The following ASAP1 variants were observed in gnomAD, a reference collection of about 807,000 sequenced individuals.
ASAP1 encodes arf-GAP with SH3 domain, ANK repeat and PH domain-containing protein 1.
In ASAP1, 43 loss-of-function variants were observed where a neutral mutation model predicts 145.2. The observed-to-expected ratio is 0.30, with a 90% CI of 0.23 to 0.38. ASAP1 has a LOEUF of 0.38. ASAP1 is among the 10% of genes least tolerant of loss of function. The pLI, the probability that ASAP1 is intolerant of heterozygous loss-of-function variation, is 1.00. For missense variants in ASAP1, 1,018 were observed against 1,355.3 expected (o/e 0.75, Z 3.91); for synonymous variants, 546 against 515.5 (o/e 1.06, Z -0.80).
intron 3 of ASAP1, among the ~76,000 whole-genome samples, chr8:130,270,471 A>G (rs1264613677): frequency 1.3e-5 from 2 of 152,224 alleles, no homozygotes; most frequent in Admixed American, 1.3e-4. Flanking sequence ...AACTTCCCTC[A>G]TTTAAAAGGT....
At chr8:130,139,113 G>A (rs1326138659) in intron 13 of ASAP1, among the ~76,000 whole-genome samples, 1 of 152,188 alleles carries the variant, frequency 6.6e-6, no homozygotes, top group East Asian at 1.9e-4. Flanking sequence ...TTTAAAGAAG[G>A]ATGCAGAAAA....
intron 1 of ASAP1, among the ~76,000 whole-genome samples, chr8:130,439,361 T>C (rs1830418181): frequency 6.6e-6 from 1 of 152,216 alleles, no homozygotes; most frequent in Non-Finnish European, 1.5e-5. Flanking sequence ...TAAACTTGTA[T>C]GATGTAAACC....
At chr8:130,203,351 C>G (rs138369687) in intron 5 of ASAP1, among the ~76,000 whole-genome samples, 391 of 152,338 alleles carry the variant, frequency 2.6e-3, no homozygotes, top group African/African-American at 9.1e-3. Context: ...AAAGCACCCA[C>G]CTGGCTTGTA....
At chr8:130,429,602 T>C (rs905979828) in intron 1 of ASAP1, among the ~76,000 whole-genome samples, 1 of 152,244 alleles carries the variant, frequency 6.6e-6, no homozygotes, top group African/African-American at 2.4e-5. Flanking sequence ...TTCTGGTGTA[T>C]GATTACCCTC....
chr8:130,079,752 A>C (rs1592752563), intron 26 of ASAP1, 150 bp downstream of exon 26: 4 of 739,722 alleles, frequency 5.4e-6, no homozygotes, highest in Non-Finnish European at 9.3e-6. Flanking sequence ...GCAAACCAAG[A>C]GTGAACGTCT....
At chr8:130,376,971 A>G (rs1288071924) in intron 2 of ASAP1, among the ~76,000 whole-genome samples, 1 of 151,138 alleles carries the variant, frequency 6.6e-6, no homozygotes, top group Non-Finnish European at 1.5e-5. Context: ...AAATGGGGCA[A>G]GAGATGTGAA....
intron 26 of ASAP1, among the ~76,000 whole-genome samples, chr8:130,078,135 G>A (rs572536096): frequency 9.8e-4 from 149 of 152,032 alleles, no homozygotes; most frequent in African/African-American, 3.4e-3. Flanking sequence ...GACTACAGGC[G>A]CACCCCACTA....
At chr8:130,242,559 G>C (rs1483167732) in intron 3 of ASAP1, among the ~76,000 whole-genome samples, 2 of 152,068 alleles carry the variant, frequency 1.3e-5, no homozygotes, top group Non-Finnish European at 2.9e-5. Context: ...GGATTGAAGA[G>C]CAATGTGTTT....
At chr8:130,062,101 C>T (rs2097420803) in intron 27 of ASAP1, among the ~76,000 whole-genome samples, 1 of 152,218 alleles carries the variant, frequency 6.6e-6, no homozygotes, top group African/African-American at 2.4e-5. Context: ...AGTAGTACTA[C>T]CATCACTGTT....
chr8:130,096,560 G>C (rs565231348), intron 24 of ASAP1, among the ~76,000 whole-genome samples: 38 of 152,242 alleles, frequency 2.5e-4, no homozygotes, highest in Middle Eastern at 6.8e-3. Context: ...TTAAAAACAT[G>C]GGTCTAGCCT....
At chr8:130,079,808 G>A (rs1041462492) in intron 26 of ASAP1, 94 bp downstream of exon 26, 5 of 1,310,376 alleles carry the variant, frequency 3.8e-6, no homozygotes, top group East Asian at 2.3e-5. Flanking sequence ...ACAGCTTTGA[G>A]CAGCGCTGGG....
At chr8:130,326,396 G>A (rs72724440) in intron 3 of ASAP1, among the ~76,000 whole-genome samples, 3,700 of 152,334 alleles carry the variant, frequency 0.024, 61 homozygotes, top group Non-Finnish European at 0.037. Context: ...CATCAGTGCT[G>A]CAATAGGATC....
chr8:130,149,395 T>C (rs2097640837), intron 13 of ASAP1, among the ~76,000 whole-genome samples: 1 of 151,978 alleles, frequency 6.6e-6, no homozygotes, highest in South Asian at 2.1e-4. Flanking sequence ...AAGCAAAGAA[T>C]TTATGAATGA....
chr8:130,326,866 C>T (rs1378429576), intron 3 of ASAP1, among the ~76,000 whole-genome samples: 1 of 152,140 alleles, frequency 6.6e-6, no homozygotes, highest in Non-Finnish European at 1.5e-5. Context: ...CAATCAGTGG[C>T]CTATTTCTTC....
At chr8:130,139,098 C>A (rs2097602932) in intron 13 of ASAP1, among the ~76,000 whole-genome samples, 1 of 151,986 alleles carries the variant, frequency 6.6e-6, no homozygotes, top group East Asian at 1.9e-4. Flanking sequence ...AATTAGGAAA[C>A]CACATTTAAA....
chr8:130,185,409 A>C (rs1324728349), intron 7 of ASAP1, among the ~76,000 whole-genome samples: 1 of 152,204 alleles, frequency 6.6e-6, no homozygotes, highest in Admixed American at 6.5e-5. Flanking sequence ...GTCTTCACCA[A>C]ATTTAGATTG....
chr8:130,370,998 A>G (rs947934060), intron 2 of ASAP1, among the ~76,000 whole-genome samples: 6 of 152,226 alleles, frequency 3.9e-5, no homozygotes, highest in African/African-American at 1.4e-4. Context: ...TTTTGTGAAT[A>G]CACTAAAAAC....
At chr8:130,235,106 C>A (rs566764023) in intron 4 of ASAP1, among the ~76,000 whole-genome samples, 1 of 152,066 alleles carries the variant, frequency 6.6e-6, no homozygotes, top group South Asian at 2.1e-4. Context: ...AAATAATATA[C>A]TTGACTTGAA....
chr8:130,066,439 G>A (rs992972177), intron 27 of ASAP1, among the ~76,000 whole-genome samples: 3 of 152,042 alleles, frequency 2.0e-5, no homozygotes, highest in African/African-American at 7.3e-5. Context: ...TTGAACTCCT[G>A]GGCTCAAGTG....
Sources: gnomAD v4.1 joint callset for allele counts (sites outside exome capture counted in the v4.1 genomes callset) on GRCh38, gnomAD v4.1.1 for gene constraint, MANE v1.5 for transcripts, NCBI Gene and HGNC (gene_info 2026-07-23, HGNC 2026-07-21) for gene names.